Variants in SIPA1L1 observed in about 807,000 individuals in gnomAD.
The protein encoded by SIPA1L1 is signal induced proliferation associated 1 like 1.
SIPA1L1 carries 26 observed loss-of-function variants against 162.7 expected under a neutral mutation model. The ratio of observed to expected loss-of-function variants is 0.16; its 90% CI spans 0.12 to 0.22. The LOEUF is 0.22. Among genes scored for constraint, SIPA1L1 ranks in the 10% least tolerant of loss-of-function variants. The pLI is 1.00. For synonymous variants in SIPA1L1, 829 were observed against 837.4 expected (o/e 0.99, Z 0.17); for missense variants, 1,874 against 2,241.0 (o/e 0.84, Z 3.31).
intron 12 of SIPA1L1, among the ~76,000 whole-genome samples, chr14:71,675,467 A>G (rs1487034453): frequency 1.3e-5 from 2 of 152,218 alleles, no homozygotes; most frequent in Admixed American, 6.5e-5. Context: ...GCAGGTGGGA[A>G]ATGCCTTGAT....
intron 2 of SIPA1L1, among the ~76,000 whole-genome samples, chr14:71,364,824 C>A (rs2038133211): frequency 6.6e-6 from 1 of 151,876 alleles, no homozygotes; most frequent in Admixed American, 6.6e-5. Flanking sequence ...TGGCTCACTG[C>A]AACCTCTGCC....
At chr14:71,675,626 A>G (rs139421380) in intron 12 of SIPA1L1, among the ~76,000 whole-genome samples, 208 of 152,126 alleles carry the variant, frequency 1.4e-3, no homozygotes, top group Non-Finnish European at 2.5e-3. Context: ...CGCACTTCAC[A>G]CTCCCACTGC....
intron 2 of SIPA1L1, among the ~76,000 whole-genome samples, chr14:71,439,863 A>G (rs1045108510): frequency 5.9e-5 from 9 of 152,210 alleles, no homozygotes; most frequent in African/African-American, 1.9e-4. Context: ...ATCACTTGGC[A>G]GAACAACCAT....
intron 2 of SIPA1L1, among the ~76,000 whole-genome samples, chr14:71,350,158 C>CT (rs950975891): frequency 2.6e-5 from 4 of 151,878 alleles, no homozygotes; most frequent in African/African-American, 9.7e-5. Context: ...CCTTGGCCTC[C>CT]TAAAGTGCTG....
intron 10 of SIPA1L1, among the ~76,000 whole-genome samples, chr14:71,670,896 G>A (rs2044449838): frequency 6.6e-6 from 1 of 152,078 alleles, no homozygotes; most frequent in Admixed American, 6.5e-5. Flanking sequence ...ATTTTGGGAG[G>A]TTTGTTTTTG....
intron 2 of SIPA1L1, among the ~76,000 whole-genome samples, chr14:71,485,896 G>C (rs559541468): frequency 6.6e-6 from 1 of 152,112 alleles, no homozygotes. Context: ...TACATTTGTT[G>C]TTGTTGATGT....
intron 2 of SIPA1L1, among the ~76,000 whole-genome samples, chr14:71,373,717 A>T (rs941873083): frequency 6.6e-6 from 1 of 151,444 alleles, no homozygotes; most frequent in East Asian, 1.9e-4. Context: ...AAAATTTTAT[A>T]TTTTTTCTCC....
intron 2 of SIPA1L1, among the ~76,000 whole-genome samples, chr14:71,498,761 C>A (rs1031962486): frequency 6.6e-6 from 1 of 151,944 alleles, no homozygotes; most frequent in Non-Finnish European, 1.5e-5. Context: ...TTTTCTAGTC[C>A]GTGATGTGGT....
intron 4 of SIPA1L1, chr14:71,573,885 G>T (rs2032554321): frequency 5.9e-6 from 2 of 336,760 alleles, no homozygotes; most frequent in African/African-American, 2.2e-5. Flanking sequence ...CAGTAGATGG[G>T]CCTTTTCTTG....
intron 2 of SIPA1L1, among the ~76,000 whole-genome samples, chr14:71,388,236 T>C (rs2040487465): frequency 6.6e-6 from 1 of 152,198 alleles, no homozygotes; most frequent in Admixed American, 6.5e-5. Context: ...TTTGAAAAAG[T>C]AATGCAAAAA....
At chr14:71,704,697 G>C (rs753413938) in intron 15 of SIPA1L1, 4 of 1,590,762 alleles carry the variant, frequency 2.5e-6, no homozygotes, top group Non-Finnish European at 3.5e-6. Flanking sequence ...ACTAGTTGCT[G>C]TGTGTCTTTT....
At chr14:71,408,145 TA>T (rs1234975480) in intron 2 of SIPA1L1, among the ~76,000 whole-genome samples, 14 of 152,222 alleles carry the variant, frequency 9.2e-5, no homozygotes, top group East Asian at 3.8e-4. Flanking sequence ...AAGACAATAA[TA>T]TTTTTTTTGC....
At chr14:71,438,286 T>A (rs1237076856) in intron 2 of SIPA1L1, among the ~76,000 whole-genome samples, 1 of 152,194 alleles carries the variant, frequency 6.6e-6, no homozygotes, top group Non-Finnish European at 1.5e-5. Context: ...CCTCTTTCCC[T>A]GTTGAAAATC....
chr14:71,336,386 C>T (rs1030533742), intron 2 of SIPA1L1, among the ~76,000 whole-genome samples: 1 of 152,164 alleles, frequency 6.6e-6, no homozygotes, highest in Non-Finnish European at 1.5e-5. Context: ...CCGACCCTAG[C>T]CCTAGGCTAC....
At chr14:71,715,885 C>T (rs1427736327) in intron 17 of SIPA1L1, among the ~76,000 whole-genome samples, 1 of 152,188 alleles carries the variant, frequency 6.6e-6, no homozygotes, top group Non-Finnish European at 1.5e-5. Flanking sequence ...CTCAGCTATG[C>T]CCAATAAAAT....
Position 71,737,185 on chromosome 14 carries a change from C to T in SIPA1L1, c.5124-1056C>T, listed in dbSNP as rs1204989. ...CACTGTACACCACGGTGGGTTTTGC[C>T]TCCTGGGGCCTCTTGTAGACTTAGG... On this transcript the variant is annotated intron_variant, in intron 22 of 23. Coordinates refer to ENST00000381232, the MANE Select transcript of SIPA1L1 (RefSeq NM_001386936.1). Among the ~76,000 whole-genome samples the T allele has an allele frequency of 5.0e-3, 761 of 152,318 alleles. 12 individuals carry two copies. The highest frequency in any genetic ancestry group is 0.017 in the African/African-American group (709 of 41,566).
chr14:71,650,847 A>G (rs532075524), intron 8 of SIPA1L1, among the ~76,000 whole-genome samples: 19 of 152,300 alleles, frequency 1.2e-4, no homozygotes, highest in African/African-American at 4.6e-4. Context: ...GAAACTTACA[A>G]CTGTCTGAGT....
chr14:71,627,131 CT>C (rs71105788), intron 7 of SIPA1L1, among the ~76,000 whole-genome samples: 1 of 48,780 alleles, frequency 2.1e-5, no homozygotes, highest in South Asian at 9.2e-4. Flanking sequence ...ACTTTCACTA[CT>C]TTTTTTTTTT....
intron 17 of SIPA1L1, among the ~76,000 whole-genome samples, chr14:71,722,224 T>A (rs2083805015): frequency 6.6e-6 from 1 of 152,244 alleles, no homozygotes; most frequent in African/African-American, 2.4e-5. Context: ...TTGTGATCAC[T>A]CACCTGATTT....
Sources: gnomAD v4.1 joint callset for allele counts (sites outside exome capture counted in the v4.1 genomes callset) on GRCh38, gnomAD v4.1.1 for gene constraint, MANE v1.5 for transcripts, NCBI Gene and HGNC (gene_info 2026-07-23, HGNC 2026-07-21) for gene names.